GRID1: variants seen among roughly 807,000 people sequenced by gnomAD.
The protein encoded by GRID1 is glutamate ionotropic receptor delta type subunit 1, also known as glutamate receptor ionotropic, delta-1.
GRID1 carries 28 observed loss-of-function variants against 98.0 expected under a neutral mutation model. The ratio of observed to expected loss-of-function variants is 0.29; its 90% CI spans 0.21 to 0.39. The LOEUF (loss-of-function observed/expected upper bound fraction) is 0.39, where lower values mean the gene tolerates loss of function less well. Among genes scored for constraint, GRID1 ranks in the 10% least tolerant of loss-of-function variants. The probability of loss-of-function intolerance (pLI) is 1.00; values close to 1 mark genes in which losing one functional copy is unlikely to be tolerated. For synonymous variants in GRID1, 553 were observed against 538.5 expected, an observed-to-expected ratio of 1.03 and a Z score of -0.37; for missense variants, 1,111 against 1,340.5, an observed-to-expected ratio of 0.83 and a Z score of 2.67.
chr10:85,891,346 C>A (rs1841197578), intron 5 of GRID1, among the ~76,000 whole-genome samples: 1 of 152,054 alleles, frequency 6.6e-6, no homozygotes. Context: ...GAGTTTATAG[C>A]CCTGTATTTA....
At chr10:85,872,133 A>C (rs919315773) in intron 5 of GRID1, among the ~76,000 whole-genome samples, 14 of 152,152 alleles carry the variant, frequency 9.2e-5, no homozygotes, top group African/African-American at 3.4e-4. Context: ...TTGGTGACCA[A>C]GGCCCTGCCC....
chr10:85,684,026 A>G (rs1253583513), intron 12 of GRID1, among the ~76,000 whole-genome samples: 1 of 152,202 alleles, frequency 6.6e-6, no homozygotes. Context: ...AACAGGCCAT[A>G]AAGTGTTATT....
chr10:85,876,193 A>G (rs952447343), intron 5 of GRID1, among the ~76,000 whole-genome samples: 1 of 151,852 alleles, frequency 6.6e-6, no homozygotes, highest in Non-Finnish European at 1.5e-5. Flanking sequence ...ATTCTATCAT[A>G]TTTCTGGAGA....
intron 2 of GRID1, among the ~76,000 whole-genome samples, chr10:86,302,512 A>T (rs917105425): frequency 2.6e-5 from 4 of 152,166 alleles, no homozygotes; most frequent in Non-Finnish European, 5.9e-5. Flanking sequence ...TCAACCATGA[A>T]TCGCAGTGAA....
At chr10:86,144,099 G>A (rs553292487) in intron 3 of GRID1, among the ~76,000 whole-genome samples, 1 of 152,230 alleles carries the variant, frequency 6.6e-6, no homozygotes, top group Admixed American at 6.5e-5. Flanking sequence ...GAACCCCTGG[G>A]GTTCTTTATC....
At chr10:85,939,408 GATGT>G (rs1841968968) in intron 4 of GRID1, among the ~76,000 whole-genome samples, 1 of 152,234 alleles carries the variant, frequency 6.6e-6, no homozygotes, top group South Asian at 2.1e-4. Flanking sequence ...TGGTAGAGTA[GATGT>G]CTCACTAAGC....
At chr10:85,880,902 G>A (rs1840998379) in intron 5 of GRID1, among the ~76,000 whole-genome samples, 1 of 152,174 alleles carries the variant, frequency 6.6e-6, no homozygotes, top group Non-Finnish European at 1.5e-5. Context: ...ATCTCCTTAA[G>A]CTGATAAGCA....
intron 4 of GRID1, among the ~76,000 whole-genome samples, chr10:86,107,375 T>C (rs11595081): frequency 0.078 from 11,817 of 152,268 alleles, 556 homozygotes; most frequent in South Asian, 0.21. Flanking sequence ...GGGCGTCCCT[T>C]GGCAGGTACG....
chr10:85,646,658 G>A (rs1416593719), intron 13 of GRID1: 2 of 158,190 alleles, frequency 1.3e-5, no homozygotes, highest in African/African-American at 4.8e-5. Flanking sequence ...GCCTCCTAAG[G>A]CTTTGCCCGG....
Position 85,869,081 on chromosome 10 carries a change from A to G in GRID1, c.880T>C (p.Cys294Arg). 1 of 1,614,052 alleles carries G rather than the reference A, an allele frequency of 6.2e-7. No individual in the cohort carries two copies. Among genetic ancestry groups the G allele is most frequent in the Admixed American group, 1.7e-5 (1 of 60,028 alleles). ...GAGATGCGGTGGTTGTTCCTCGTGC[A>G]TTTCTGATTGTCCTTTGCAGACGGA... ...IFPSAKDNQK[C>R]TRNNHRISSL... The change falls in exon 6 of 16, where the codon TGC becomes CGC. Residue 294 changes from cysteine (C) to arginine (R), a missense_variant. By Grantham distance (180) the Cys-to-Arg change is radical (BLOSUM62 -3). Coordinates refer to ENST00000327946, the MANE Select transcript of GRID1 (RefSeq NM_017551.3).
intron 8 of GRID1, among the ~76,000 whole-genome samples, chr10:85,751,863 T>G (rs1004291533): frequency 6.6e-6 from 1 of 152,126 alleles, no homozygotes; most frequent in Non-Finnish European, 1.5e-5. Context: ...TGAGCAAAAT[T>G]AAGTATGATT....
chr10:85,808,217 A>G (rs544970706), intron 8 of GRID1, among the ~76,000 whole-genome samples: 1 of 152,334 alleles, frequency 6.6e-6, no homozygotes, highest in South Asian at 2.1e-4. Context: ...CACACCAGAC[A>G]TTATTACCTG....
intron 3 of GRID1, among the ~76,000 whole-genome samples, chr10:86,162,571 T>C (rs1202123933): frequency 3.3e-5 from 5 of 152,206 alleles, no homozygotes; most frequent in East Asian, 3.8e-4. Flanking sequence ...TTCCCAATTC[T>C]GCAAATCCAA....
At chr10:85,825,131 T>C (rs1005941276) in intron 8 of GRID1, among the ~76,000 whole-genome samples, 1 of 152,228 alleles carries the variant, frequency 6.6e-6, no homozygotes, top group Admixed American at 6.5e-5. Context: ...GTTTTCCATA[T>C]AGGTTGTACT....
chr10:86,323,434 A>G (rs572728704), intron 2 of GRID1, among the ~76,000 whole-genome samples: 1 of 152,272 alleles, frequency 6.6e-6, no homozygotes, highest in Non-Finnish European at 1.5e-5. Context: ...ATGAAACAAT[A>G]TCTCCAAAGA....
chr10:86,343,274 A>T (rs942719136), intron 2 of GRID1, among the ~76,000 whole-genome samples: 2 of 152,256 alleles, frequency 1.3e-5, no homozygotes, highest in Non-Finnish European at 2.9e-5. Context: ...TTAACAAAAA[A>T]ATCTGTATCT....
intron 2 of GRID1, among the ~76,000 whole-genome samples, chr10:86,318,333 G>T (rs1847926187): frequency 6.6e-6 from 1 of 152,214 alleles, no homozygotes; most frequent in Non-Finnish European, 1.5e-5. Context: ...CCTAGTCATG[G>T]CCACTGCTGC....
chr10:86,205,204 G>C (rs1846008765), intron 3 of GRID1, among the ~76,000 whole-genome samples: 3 of 152,240 alleles, frequency 2.0e-5, no homozygotes, highest in Admixed American at 2.0e-4. Context: ...AACATATGCT[G>C]ATTTCTTTTC....
At chr10:85,662,325 A>C (rs1590179736) in intron 12 of GRID1, among the ~76,000 whole-genome samples, 2 of 152,198 alleles carry the variant, frequency 1.3e-5, no homozygotes, top group East Asian at 3.9e-4. Flanking sequence ...GTTTGGCTAA[A>C]CAGGCTGGAA....
Sources: gnomAD v4.1 joint callset for allele counts (sites outside exome capture counted in the v4.1 genomes callset) on GRCh38, gnomAD v4.1.1 for gene constraint, MANE v1.5 for transcripts, NCBI Gene and HGNC (gene_info 2026-07-23, HGNC 2026-07-21) for gene names.